Variants in LRP1B observed in about 807,000 individuals in gnomAD.
The protein encoded by LRP1B is low-density lipoprotein receptor-related protein 1B.
In LRP1B, 217 loss-of-function variants were observed where a neutral mutation model predicts 556.6. That is an observed-to-expected ratio of 0.39 (90% confidence interval 0.35 to 0.44). LRP1B has a LOEUF of 0.44. Ranked by LOEUF, LRP1B falls within the 20% of genes least tolerant of loss-of-function variation. The pLI is 1.00. For synonymous variants in LRP1B, 2,047 were observed against 1,865.8 expected, an observed-to-expected ratio of 1.10 and a Z score of -2.50; for missense variants, 5,053 against 5,620.8, an observed-to-expected ratio of 0.90 and a Z score of 3.23.
chr2:141,013,566 T>C lies in LRP1B; in HGVS notation c.2370A>G (p.Arg790=), dbSNP rs1697816914. The change falls in exon 14 of 91, where the codon CGA becomes CGG. Residue 790 remains arginine (R), a synonymous_variant. Transcript: ENST00000389484. ...PLFGLQIYDP[R]KQQGDNMCRV... The stretch of plus-strand genomic sequence containing the variant: ...TTTGTTTTTTAATACCTTGTTGCTT[T>C]CGTGGATCATAAATCTGAAGCCCAA... The C allele has an allele frequency of 1.9e-6, 3 of 1,607,546 alleles. No individual in the cohort carries two copies. The Admixed American group carries it at 5.1e-5, about 27-fold the overall frequency.
chr2:140,926,921 A>T (rs1162725918), intron 20 of LRP1B, among the ~76,000 whole-genome samples: 2 of 152,084 alleles, frequency 1.3e-5, no homozygotes, highest in Non-Finnish European at 2.9e-5. Context: ...GGTAGCTTAG[A>T]TGGCACTCCA....
chr2:141,933,239 A>G (rs1380151282), intron 1 of LRP1B, among the ~76,000 whole-genome samples: 1 of 152,106 alleles, frequency 6.6e-6, no homozygotes, highest in African/African-American at 2.4e-5. Context: ...TTAAGAAAAA[A>G]AAATTGTTGC....
At chr2:141,049,805 A>C (rs902318517) in intron 10 of LRP1B, among the ~76,000 whole-genome samples, 5 of 152,154 alleles carry the variant, frequency 3.3e-5, no homozygotes, top group African/African-American at 1.2e-4. Flanking sequence ...TTTATCTTCA[A>C]ATTTTAATTA....
At position 140,716,806 on chromosome 2, in the gene LRP1B, G is replaced by T. The variant is rs1687227341; in HGVS notation, c.5769C>A (p.Thr1923=). Residue 1923 remains threonine, a synonymous_variant, in exon 36 of 91, where the codon ACC becomes ACA. Coordinates refer to ENST00000389484, the MANE Select transcript of LRP1B (RefSeq NM_018557.3). ...TGAAGCCCATGTCTGTCCAGTAGATGGTATCATTTTCTATGGATAAGACAC... is the reference window on the plus strand; with the variant it reads ...TGAAGCCCATGTCTGTCCAGTAGATTGTATCATTTTCTATGGATAAGACAC... The part of the protein sequence containing the change: ...VGIDFHAEND[T]IYWTDMGFNK... The T allele has an allele frequency of 6.3e-7, 1 of 1,592,780 alleles. No homozygotes were observed. The highest frequency in any genetic ancestry group is 8.6e-7 in the Non-Finnish European group (1 of 1,166,612).
At chr2:141,902,427 C>T (rs1287607219) in intron 1 of LRP1B, among the ~76,000 whole-genome samples, 1 of 151,900 alleles carries the variant, frequency 6.6e-6, no homozygotes, top group Non-Finnish European at 1.5e-5. Context: ...ATCCATTTGA[C>T]AATAATCAGA....
chr2:140,695,178 C>T (rs985129623), intron 41 of LRP1B, among the ~76,000 whole-genome samples: 6 of 151,578 alleles, frequency 4.0e-5, no homozygotes, highest in Non-Finnish European at 8.8e-5. Context: ...TTTTAGTACT[C>T]ACTTCTCTCT....
At chr2:140,806,407 A>G (rs1012426696) in intron 32 of LRP1B, among the ~76,000 whole-genome samples, 2 of 152,180 alleles carry the variant, frequency 1.3e-5, no homozygotes, top group Non-Finnish European at 2.9e-5. Flanking sequence ...TTAGCGCCAT[A>G]AAACAACACA....
intron 66 of LRP1B, among the ~76,000 whole-genome samples, chr2:140,407,690 G>A (rs752105272): frequency 5.9e-5 from 9 of 151,998 alleles, no homozygotes; most frequent in Non-Finnish European, 1.2e-4. Context: ...ACATGTTGCT[G>A]TGGATGTGGT....
At chr2:141,579,167 A>G (rs965144122) in intron 2 of LRP1B, among the ~76,000 whole-genome samples, 2 of 152,116 alleles carry the variant, frequency 1.3e-5, no homozygotes, top group African/African-American at 4.8e-5. Flanking sequence ...ATGCAGCTGT[A>G]AACGATCTCT....
intron 84 of LRP1B, among the ~76,000 whole-genome samples, chr2:140,292,389 TAG>T (rs1323449818): frequency 6.6e-6 from 1 of 152,136 alleles, no homozygotes; most frequent in Non-Finnish European, 1.5e-5. Flanking sequence ...AAAAATCTAA[TAG>T]AAACAGGAAA....
intron 1 of LRP1B, among the ~76,000 whole-genome samples, chr2:141,813,152 T>C (rs888183117): frequency 6.6e-6 from 1 of 152,156 alleles, no homozygotes; most frequent in Non-Finnish European, 1.5e-5. Context: ...AGGGATACGA[T>C]AATGAAAATA....
intron 2 of LRP1B, among the ~76,000 whole-genome samples, chr2:141,581,479 C>T (rs1015964142): frequency 1.3e-5 from 2 of 151,986 alleles, no homozygotes; most frequent in Non-Finnish European, 2.9e-5. Flanking sequence ...AAAGTAATGA[C>T]CAGGTAAAAA....
intron 18 of LRP1B, among the ~76,000 whole-genome samples, chr2:140,979,153 A>G (rs1023832314): frequency 6.6e-6 from 1 of 151,800 alleles, no homozygotes; most frequent in African/African-American, 2.4e-5. Flanking sequence ...TTATTTTTGT[A>G]TATTTAGTAG....
At chr2:142,107,448 G>A (rs1559074199) in intron 1 of LRP1B, among the ~76,000 whole-genome samples, 1 of 151,982 alleles carries the variant, frequency 6.6e-6, no homozygotes, top group African/African-American at 2.4e-5. Flanking sequence ...ATGGGCTGAC[G>A]CAGCAAAAGG....
intron 1 of LRP1B, among the ~76,000 whole-genome samples, chr2:142,087,856 A>G (rs1270572246): frequency 1.3e-5 from 2 of 152,112 alleles, no homozygotes; most frequent in East Asian, 1.9e-4. Flanking sequence ...AAAGAACACT[A>G]TCTCTTCCTG....
intron 20 of LRP1B, among the ~76,000 whole-genome samples, chr2:140,932,738 G>A: frequency 6.6e-6 from 1 of 151,206 alleles, no homozygotes; most frequent in South Asian, 2.1e-4. Context: ...AACTAGCAGG[G>A]CATGGTGGCA....
intron 2 of LRP1B, among the ~76,000 whole-genome samples, chr2:141,739,252 T>A (rs986358111): frequency 1.3e-5 from 2 of 152,070 alleles, no homozygotes; most frequent in African/African-American, 4.8e-5. Context: ...ATCAATAATC[T>A]CCTGGGAGGT....
intron 87 of LRP1B, among the ~76,000 whole-genome samples, chr2:140,245,874 A>G (rs1681138467): frequency 1.3e-5 from 2 of 151,340 alleles, no homozygotes; most frequent in South Asian, 4.1e-4. Flanking sequence ...TCCCTGACCT[A>G]AGGAGAGCAC....
chr2:141,975,256 A>G (rs1270260029), intron 1 of LRP1B, among the ~76,000 whole-genome samples: 1 of 152,092 alleles, frequency 6.6e-6, no homozygotes, highest in Non-Finnish European at 1.5e-5. Context: ...CATTTAATAT[A>G]CTGTTAAAAT....
Sources: gnomAD v4.1 joint callset for allele counts (sites outside exome capture counted in the v4.1 genomes callset) on GRCh38, gnomAD v4.1.1 for gene constraint, MANE v1.5 for transcripts, NCBI Gene and HGNC (gene_info 2026-07-23, HGNC 2026-07-21) for gene names.